The following FAM135B variants were observed in gnomAD, a reference collection of about 807,000 sequenced individuals.
The protein encoded by FAM135B is family with sequence similarity 135 member B.
A neutral mutation model predicts 127.7 loss-of-function variants in FAM135B; 43 were observed. The observed-to-expected ratio is 0.34, with a 90% CI of 0.26 to 0.43. The LOEUF (loss-of-function observed/expected upper bound fraction) is 0.43, where lower values mean the gene tolerates loss of function less well. Among genes scored for constraint, FAM135B ranks in the 20% least tolerant of loss-of-function variants. FAM135B has a pLI of 1.00. For missense variants in FAM135B, 1,558 were observed against 1,725.6 expected (o/e 0.90, Z 1.72); for synonymous variants, 670 against 665.1 (o/e 1.01, Z -0.11).
chr8:138,145,876 C>T, intron 15 of FAM135B, 83 bp downstream of exon 15: 1 of 749,102 alleles, frequency 1.3e-6, no homozygotes, highest in African/African-American at 1.7e-5. Context: ...TGTGTGTGTC[C>T]ATAAATTATC....
chr8:138,202,119 C>G (rs1461990285), intron 7 of FAM135B, among the ~76,000 whole-genome samples: 3 of 12,626 alleles, frequency 2.4e-4, no homozygotes, highest in Middle Eastern at 0.045. Context: ...GAATGAAACT[C>G]TGTCTCAAAA....
intron 1 of FAM135B, among the ~76,000 whole-genome samples, chr8:138,475,487 T>C (rs1315904098): frequency 1.3e-5 from 2 of 152,168 alleles, no homozygotes; most frequent in African/African-American, 4.8e-5. Flanking sequence ...CATTCTCCCA[T>C]GTCTGCAAGT....
At position 138,455,931 on chromosome 8, in the gene FAM135B, C is replaced by G. The variant is rs377706925; in HGVS notation, c.-20+40740G>C. Among the ~76,000 whole-genome samples the G allele has an allele frequency of 7.2e-5, 11 of 152,306 alleles. 1 individual carries two copies. The South Asian group carries it at 2.3e-3, about 32-fold the overall frequency. On this transcript the variant is annotated intron_variant, in intron 1 of 19. Transcript: ENST00000395297. The stretch of plus-strand genomic sequence containing the variant: ...AATCAGATCTACACCCTCCATATGC[C>G]AGATCCAGACCTACAAGCTGTCTGT...
At chr8:138,295,111 T>C (rs1825384330) in intron 3 of FAM135B, among the ~76,000 whole-genome samples, 2 of 49,928 alleles carry the variant, frequency 4.0e-5, no homozygotes, top group Non-Finnish European at 1.3e-4. Flanking sequence ...GCTTTTTTTT[T>C]TTTTTTTTTT....
chr8:138,179,739 G>T (rs1814830242), intron 9 of FAM135B, among the ~76,000 whole-genome samples: 1 of 152,098 alleles, frequency 6.6e-6, no homozygotes, highest in East Asian at 1.9e-4. Flanking sequence ...TGTCACCCAG[G>T]CTGGAGTGCA....
chr8:138,183,088 C>T (rs17717971), intron 9 of FAM135B, among the ~76,000 whole-genome samples: 33,609 of 149,206 alleles, frequency 0.23, 4,089 homozygotes, highest in Non-Finnish European at 0.28. Flanking sequence ...GTGCCATCCA[C>T]CCAGGTGCCC....
intron 2 of FAM135B, among the ~76,000 whole-genome samples, chr8:138,340,955 G>A (rs967912738): frequency 1.3e-5 from 2 of 152,266 alleles, no homozygotes; most frequent in South Asian, 2.1e-4. Context: ...CCCACAAGAC[G>A]GAGCACTTTC....
intron 1 of FAM135B, among the ~76,000 whole-genome samples, chr8:138,404,264 TTA>T (rs1194223057): frequency 6.6e-6 from 1 of 152,190 alleles, no homozygotes; most frequent in Non-Finnish European, 1.5e-5. Flanking sequence ...TGCAATGCCA[TTA>T]TGTTTAATTA....
At chr8:138,283,167 T>C (rs570995375) in intron 3 of FAM135B, among the ~76,000 whole-genome samples, 3 of 152,144 alleles carry the variant, frequency 2.0e-5, no homozygotes, top group East Asian at 1.9e-4. Flanking sequence ...CCAAAGTTCA[T>C]AGCAGTTTTA....
intron 11 of FAM135B, among the ~76,000 whole-genome samples, chr8:138,175,772 T>A (rs889396176): frequency 6.6e-6 from 1 of 152,232 alleles, no homozygotes; most frequent in Non-Finnish European, 1.5e-5. Flanking sequence ...TTCTTCCACT[T>A]GTCAAAACTT....
intron 1 of FAM135B, among the ~76,000 whole-genome samples, chr8:138,436,058 TAA>T (rs1835437387): frequency 5.9e-5 from 9 of 152,204 alleles, no homozygotes; most frequent in African/African-American, 2.2e-4. Flanking sequence ...CATGTTATGA[TAA>T]CAGTGTCGTA....
At chr8:138,395,463 C>A (rs1288151367) in intron 1 of FAM135B, among the ~76,000 whole-genome samples, 2 of 152,132 alleles carry the variant, frequency 1.3e-5, no homozygotes, top group African/African-American at 4.8e-5. Context: ...GAGTCTGTAT[C>A]CACCATCGGC....
chr8:138,293,712 G>A (rs1357933218), intron 3 of FAM135B, among the ~76,000 whole-genome samples: 1 of 152,108 alleles, frequency 6.6e-6, no homozygotes, highest in Non-Finnish European at 1.5e-5. Flanking sequence ...CCTTACCCCT[G>A]CAAGAATGAA....
rs558204723 is a variant in FAM135B at position 138,156,624 on chromosome 8, A to G, written c.1259-3408T>C. Among the ~76,000 whole-genome samples, 15 of 152,196 alleles carry G rather than the reference A, an allele frequency of 9.9e-5. No individual in the cohort carries two copies. The South Asian group carries it at 2.7e-3, about 27-fold the overall frequency. ...AAATGATAAAGGGGATATCACCACC[A>G]ATCCCACAGAAATACAAACTACCAT... On this transcript the variant is annotated intron_variant, in intron 12 of 19. Transcript: ENST00000395297.
chr8:138,406,960 T>C (rs993721925), intron 1 of FAM135B, among the ~76,000 whole-genome samples: 3 of 150,954 alleles, frequency 2.0e-5, no homozygotes, highest in Admixed American at 2.0e-4. Flanking sequence ...AAAGAGGAAG[T>C]CAAATTGTCC....
intron 1 of FAM135B, among the ~76,000 whole-genome samples, chr8:138,378,748 C>T (rs76935507): frequency 1.3e-5 from 2 of 150,628 alleles, no homozygotes; most frequent in Non-Finnish European, 3.0e-5. Flanking sequence ...TTTTTTTTCA[C>T]ATCTGAAGAC....
chr8:138,325,357 G>A (rs994402198), intron 2 of FAM135B, among the ~76,000 whole-genome samples: 4 of 152,072 alleles, frequency 2.6e-5, no homozygotes, highest in African/African-American at 9.7e-5. Flanking sequence ...GCATGCAAAT[G>A]GACAAACATC....
intron 9 of FAM135B, among the ~76,000 whole-genome samples, chr8:138,188,608 C>T (rs1364982338): frequency 1.3e-5 from 2 of 152,180 alleles, no homozygotes; most frequent in East Asian, 1.9e-4. Flanking sequence ...TGTTTCAGCT[C>T]CGTGGTGCCT....
At chr8:138,360,897 C>T (rs1281972057) in intron 2 of FAM135B, among the ~76,000 whole-genome samples, 1 of 150,668 alleles carries the variant, frequency 6.6e-6, no homozygotes, top group Admixed American at 6.7e-5. Context: ...CTCAGTAGGT[C>T]TGAGACCAGG....
Sources: gnomAD v4.1 joint callset for allele counts (sites outside exome capture counted in the v4.1 genomes callset) on GRCh38, gnomAD v4.1.1 for gene constraint, MANE v1.5 for transcripts, NCBI Gene and HGNC (gene_info 2026-07-23, HGNC 2026-07-21) for gene names.